Variants in TMEM63C observed in about 807,000 individuals in gnomAD.
TMEM63C encodes osmosensitive cation channel TMEM63C.
A neutral mutation model predicts 99.2 loss-of-function variants in TMEM63C; 32 were observed. The observed-to-expected ratio is 0.32, with a 90% CI of 0.24 to 0.43. The LOEUF (loss-of-function observed/expected upper bound fraction) is 0.43, where lower values mean the gene tolerates loss of function less well. TMEM63C is among the 20% of genes least tolerant of loss of function. The probability of loss-of-function intolerance (pLI) is 1.00; values close to 1 mark genes in which losing one functional copy is unlikely to be tolerated. For missense variants in TMEM63C, 826 were observed against 1,053.0 expected, an observed-to-expected ratio of 0.78 and a Z score of 2.98; for synonymous variants, 376 against 397.9, an observed-to-expected ratio of 0.94 and a Z score of 0.66.
intron 1 of TMEM63C, among the ~76,000 whole-genome samples, chr14:77,202,523 T>G (rs1377831710): frequency 6.6e-6 from 1 of 152,184 alleles, no homozygotes; most frequent in Non-Finnish European, 1.5e-5. Context: ...GCATCCTTAC[T>G]TGCCTCTTCC....
chr14:77,224,936 G>A (rs893112503), intron 5 of TMEM63C, among the ~76,000 whole-genome samples: 1 of 152,084 alleles, frequency 6.6e-6, no homozygotes, highest in Non-Finnish European at 1.5e-5. Flanking sequence ...TTGAGCTGCT[G>A]AGATGACAAG....
At position 77,245,920 on chromosome 14, in the gene TMEM63C, ATC is replaced by A; in HGVS notation, c.1449-14_1449-13del. Reference sequence around the variant, plus strand: ...TATTAGGCCACGTCCATTGATGAATATCTCTCTGTTTCCTTCTAGATCAAGTC... The same window carrying A: ...TATTAGGCCACGTCCATTGATGAATATCTCTGTTTCCTTCTAGATCAAGTC... On this transcript the variant is annotated intron_variant, in intron 16 of 23. Coordinates refer to ENST00000298351, the MANE Select transcript of TMEM63C (RefSeq NM_020431.4). 2 of 1,594,940 alleles carry A rather than the reference ATC, an allele frequency of 1.3e-6. No individual in the cohort carries two copies. Among genetic ancestry groups the A allele is most frequent in the Non-Finnish European group, 1.7e-6 (2 of 1,162,516 alleles).
intron 1 of TMEM63C, among the ~76,000 whole-genome samples, chr14:77,187,513 CA>C (rs1888023191): frequency 1.3e-5 from 2 of 152,254 alleles, no homozygotes; most frequent in African/African-American, 4.8e-5. Flanking sequence ...CTCCACACTC[CA>C]TGGAGGGGCT....
intron 18 of TMEM63C, 91 bp from the exon 19 acceptor site, chr14:77,248,256 C>T: frequency 8.7e-7 from 1 of 1,152,864 alleles, no homozygotes; most frequent in Non-Finnish European, 1.2e-6. Context: ...ATTCCCATTC[C>T]CTCTGCTGCT....
chr14:77,205,321 G>A (rs1242684075), intron 1 of TMEM63C, among the ~76,000 whole-genome samples: 1 of 152,232 alleles, frequency 6.6e-6, no homozygotes, highest in African/African-American at 2.4e-5. Context: ...GCCTCCCCAG[G>A]CACTGCAGAT....
intron 1 of TMEM63C, among the ~76,000 whole-genome samples, chr14:77,204,534 T>C (rs1566618707): frequency 6.6e-6 from 1 of 152,162 alleles, no homozygotes; most frequent in Admixed American, 6.6e-5. Flanking sequence ...CTGCAAATAT[T>C]TGTAAAGCAC....
At chr14:77,216,417 T>C (rs572905194) in intron 2 of TMEM63C, among the ~76,000 whole-genome samples, 2 of 152,338 alleles carry the variant, frequency 1.3e-5, no homozygotes, top group Admixed American at 6.5e-5. Context: ...GAGTTGTCGC[T>C]ATGCCAGTGG....
At chr14:77,232,834 C>G (rs921373675) in intron 7 of TMEM63C, among the ~76,000 whole-genome samples, 3 of 152,192 alleles carry the variant, frequency 2.0e-5, no homozygotes, top group Non-Finnish European at 4.4e-5. Context: ...ACCAGCTTTC[C>G]CCTGATTCCT....
intron 12 of TMEM63C, among the ~76,000 whole-genome samples, chr14:77,240,151 C>T (rs909819919): frequency 2.6e-5 from 4 of 152,240 alleles, no homozygotes; most frequent in Non-Finnish European, 4.4e-5. Flanking sequence ...TGCCGAACTT[C>T]TGCCAGCCCA....
At chr14:77,221,697 T>C (rs61991634) in intron 5 of TMEM63C, among the ~76,000 whole-genome samples, 37,274 of 114,778 alleles carry the variant, frequency 0.32, 7,929 homozygotes, top group African/African-American at 0.62. Flanking sequence ...CCTCTCCCAC[T>C]CACGCCTCAA....
At chr14:77,231,543 C>CA (rs1249467639) in intron 6 of TMEM63C, 45 bp from the exon 7 acceptor site, 1 of 1,548,110 alleles carries the variant, frequency 6.5e-7, no homozygotes, top group Admixed American at 2.0e-5. Flanking sequence ...AAGTGGTGGC[C>CA]ACGCTGGCTC....
At chr14:77,233,968 C>A (rs1344250108) in intron 8 of TMEM63C, among the ~76,000 whole-genome samples, 1 of 152,136 alleles carries the variant, frequency 6.6e-6, no homozygotes, top group African/African-American at 2.4e-5. Flanking sequence ...AAGCAGTGCA[C>A]CCCCAACACT....
chr14:77,256,982 G>A lies in TMEM63C; in HGVS notation c.*256G>A, dbSNP rs917609702. 9 of 476,770 alleles carry A rather than the reference G, an allele frequency of 1.9e-5. No homozygotes were observed. The highest frequency in any genetic ancestry group is 1.6e-4 in the African/African-American group (8 of 51,548). 29.5% of individuals were successfully genotyped at this position (476,770 alleles called of 1,614,324 possible). A position where few individuals can be genotyped will look rare whatever the true frequency, so the allele number is the denominator to read the frequency against. ...ATACAGGCAAGCACATGTCTTGAGA[G>A]AGGTGGCTGGAGCCCCGGCACAGAG... On this transcript the variant is annotated 3_prime_UTR_variant, in exon 24 of 24. Coordinates refer to ENST00000298351, the MANE Select transcript of TMEM63C (RefSeq NM_020431.4).
chr14:77,214,968 C>T (rs1888555198), intron 2 of TMEM63C, among the ~76,000 whole-genome samples: 2 of 152,182 alleles, frequency 1.3e-5, no homozygotes, highest in Non-Finnish European at 2.9e-5. Flanking sequence ...TCAAATTCCA[C>T]AGCAAATCAT....
chr14:77,223,601 C>G (rs111249547), intron 5 of TMEM63C, among the ~76,000 whole-genome samples: 3,016 of 152,148 alleles, frequency 0.02, 93 homozygotes, highest in African/African-American at 0.069. Flanking sequence ...ATGGTTTATG[C>G]CTTCAGAGCG....
At position 77,189,256 on chromosome 14, in the gene TMEM63C, C is replaced by T. The variant is rs185140086; in HGVS notation, c.-77+7362C>T. ...TCCTGAGTAGCTGGGACTACAGATGCACACCACCACACCCAGCTAATTTTT... is the reference window on the plus strand; with the variant it reads ...TCCTGAGTAGCTGGGACTACAGATGTACACCACCACACCCAGCTAATTTTT... On this transcript the variant is annotated intron_variant, in intron 1 of 23. Coordinates refer to ENST00000298351, the MANE Select transcript of TMEM63C (RefSeq NM_020431.4). 1.7e-4 allele frequency among the ~76,000 whole-genome samples: 25 copies of T among 146,994 alleles called. No homozygotes were observed. The East Asian group carries it at 3.3e-3, about 19-fold the overall frequency.
chr14:77,229,699 G>A (rs560586014), intron 6 of TMEM63C, among the ~76,000 whole-genome samples: 48 of 149,974 alleles, frequency 3.2e-4, no homozygotes, highest in Non-Finnish European at 5.8e-4. Context: ...CAATCCACCT[G>A]TCTCTGCCTC....
chr14:77,241,242 C>A (rs548679285), intron 13 of TMEM63C, among the ~76,000 whole-genome samples: 13 of 152,178 alleles, frequency 8.5e-5, no homozygotes, highest in African/African-American at 3.1e-4. Context: ...TGAGCCACTG[C>A]GCCCAGCTGA....
intron 1 of TMEM63C, among the ~76,000 whole-genome samples, chr14:77,198,805 T>C (rs1036663751): frequency 2.0e-5 from 3 of 152,086 alleles, no homozygotes; most frequent in Admixed American, 1.3e-4. Context: ...ATTTTTCCAC[T>C]TGGAGGCTCG....
Sources: allele counts gnomAD v4.1 joint callset (sites outside exome capture counted in the v4.1 genomes callset), GRCh38; gene constraint gnomAD v4.1.1; transcripts MANE v1.5; gene names NCBI Gene and HGNC (gene_info 2026-07-23, HGNC 2026-07-21).